ELAPOR1: variants seen among roughly 807,000 people sequenced by gnomAD.
ELAPOR1 encodes endosome/lysosome-associated apoptosis and autophagy regulator 1.
ELAPOR1 carries 77 observed loss-of-function variants against 119.7 expected under a neutral mutation model. The observed-to-expected ratio is 0.64, with a 90% CI of 0.54 to 0.78. The LOEUF (loss-of-function observed/expected upper bound fraction) is 0.78, where lower values mean the gene tolerates loss of function less well. Among genes scored for constraint, ELAPOR1 ranks in the 30% least tolerant of loss-of-function variants. The pLI is 0.00. For missense variants in ELAPOR1, 1,115 were observed against 1,270.4 expected (o/e 0.88, Z 1.86); for synonymous variants, 481 against 487.2 (o/e 0.99, Z 0.17).
intron 1 of ELAPOR1, among the ~76,000 whole-genome samples, chr1:109,133,372 G>T (rs1243304564): frequency 6.6e-6 from 1 of 151,006 alleles, no homozygotes; most frequent in East Asian, 1.9e-4. Context: ...AAAAAAATTA[G>T]AATATGTAGT....
intron 1 of ELAPOR1, among the ~76,000 whole-genome samples, chr1:109,148,764 G>A (rs1650343025): frequency 6.6e-6 from 1 of 152,154 alleles, no homozygotes; most frequent in Non-Finnish European, 1.5e-5. Context: ...AAAAGCTCAG[G>A]TGAAAAACAT....
chr1:109,187,591 T>C, intron 8 of ELAPOR1: 2 of 1,002,258 alleles, frequency 2.0e-6, no homozygotes, highest in Non-Finnish European at 2.4e-6. Context: ...CACCCCTGAC[T>C]CAGCCGGGGT....
chr1:109,155,937 G>A (rs1650849378), intron 1 of ELAPOR1, among the ~76,000 whole-genome samples: 1 of 152,150 alleles, frequency 6.6e-6, no homozygotes, highest in South Asian at 2.1e-4. Context: ...GAGTCCAGGA[G>A]TTCAAGACCA....
chr1:109,171,255 T>C (rs909348158), intron 3 of ELAPOR1, among the ~76,000 whole-genome samples: 1 of 152,154 alleles, frequency 6.6e-6, no homozygotes, highest in Non-Finnish European at 1.5e-5. Flanking sequence ...CAATAAATGT[T>C]ACCCCTCCCT....
At chr1:109,201,583 G>A (rs1263329770) in intron 21 of ELAPOR1, among the ~76,000 whole-genome samples, 1 of 152,188 alleles carries the variant, frequency 6.6e-6, no homozygotes, top group Non-Finnish European at 1.5e-5. Context: ...AATAGGAGTG[G>A]GTGGGGAGGG....
At chr1:109,171,151 C>T (rs1469148172) in intron 3 of ELAPOR1, among the ~76,000 whole-genome samples, 2 of 152,164 alleles carry the variant, frequency 1.3e-5, no homozygotes, top group Non-Finnish European at 2.9e-5. Context: ...CCAGTTTCAT[C>T]ATCTCTTAAA....
At chr1:109,162,771 C>G (rs79203548) in intron 2 of ELAPOR1, among the ~76,000 whole-genome samples, 6,251 of 152,286 alleles carry the variant, frequency 0.041, 437 homozygotes, top group African/African-American at 0.14. Context: ...AAATTAATGA[C>G]TGGATATTGC....
At chr1:109,157,324 C>T (rs1228479638) in intron 1 of ELAPOR1, among the ~76,000 whole-genome samples, 1 of 152,114 alleles carries the variant, frequency 6.6e-6, no homozygotes, top group African/African-American at 2.4e-5. Flanking sequence ...CTCAATTTTC[C>T]CATCTGTAAA....
intron 7 of ELAPOR1, 139 bp downstream of exon 7, chr1:109,173,976 A>C: frequency 3.3e-6 from 3 of 915,976 alleles, no homozygotes; most frequent in Non-Finnish European, 4.9e-6. Flanking sequence ...GGATCCTGGA[A>C]TACCCTTGCC....
At chr1:109,152,688 A>G (rs1351470054) in intron 1 of ELAPOR1, among the ~76,000 whole-genome samples, 2 of 152,162 alleles carry the variant, frequency 1.3e-5, no homozygotes, top group Non-Finnish European at 2.9e-5. Flanking sequence ...TCACACCTGA[A>G]TCCCAGCACT....
At chr1:109,180,274 C>T (rs1157748943) in intron 7 of ELAPOR1, among the ~76,000 whole-genome samples, 1 of 152,176 alleles carries the variant, frequency 6.6e-6, no homozygotes, top group Non-Finnish European at 1.5e-5. Flanking sequence ...GGGCTCAAAT[C>T]CCTGCTCCAC....
At chr1:109,177,390 G>A (rs1418844370) in intron 7 of ELAPOR1, among the ~76,000 whole-genome samples, 1 of 129,154 alleles carries the variant, frequency 7.7e-6, no homozygotes, top group Non-Finnish European at 1.6e-5. Context: ...CGGGGCGGCC[G>A]GGCAGAGACG....
At chr1:109,116,485 C>T (rs914925867) in intron 1 of ELAPOR1, among the ~76,000 whole-genome samples, 15 of 152,292 alleles carry the variant, frequency 9.8e-5, no homozygotes, top group African/African-American at 2.2e-4. Context: ...TTGCCACAGG[C>T]GTCAGCAAGT....
intron 16 of ELAPOR1, 126 bp downstream of exon 16, chr1:109,197,780 CTT>C: frequency 8.8e-7 from 1 of 1,134,192 alleles, no homozygotes; most frequent in East Asian, 2.6e-5. Context: ...GGCCCAACCT[CTT>C]GACCTGTGTT....
chr1:109,169,036 G>A (rs149007587), intron 3 of ELAPOR1, among the ~76,000 whole-genome samples: 237 of 152,256 alleles, frequency 1.6e-3, no homozygotes, highest in Non-Finnish European at 2.6e-3. Context: ...AGCTGATGTC[G>A]TGGAGCATAT....
intron 8 of ELAPOR1, chr1:109,187,087 A>T: frequency 1.0e-6 from 1 of 985,490 alleles, no homozygotes; most frequent in Non-Finnish European, 1.2e-6. Flanking sequence ...TGTCTTCTGA[A>T]CAGTATTTTA....
At chr1:109,153,511 A>G (rs1178531878) in intron 1 of ELAPOR1, among the ~76,000 whole-genome samples, 1 of 152,258 alleles carries the variant, frequency 6.6e-6, no homozygotes, top group East Asian at 1.9e-4. Context: ...TATATACCAT[A>G]TGATCTTCAT....
rs1047987041 is a variant in ELAPOR1, at chr1:109,198,090, C to G, written c.2399+15C>G. 1 of 1,595,166 alleles carries G rather than the reference C, an allele frequency of 6.3e-7. No individual in the cohort carries two copies. The highest frequency in any genetic ancestry group is 8.6e-7 in the Non-Finnish European group (1 of 1,162,774). ...TTCTTTTATAGGTGAAGATGAGAGG[C>G]TAGGCTAATGCAAGTGAAACCTAGG... On this transcript the variant is annotated intron_variant, in intron 17 of 21. Coordinates refer to ENST00000369939, the MANE Select transcript of ELAPOR1 (RefSeq NM_020775.5).
chr1:109,188,504 AG>A (rs1045207328), intron 9 of ELAPOR1, 150 bp downstream of exon 9: 1 of 841,202 alleles, frequency 1.2e-6, no homozygotes, highest in Non-Finnish European at 1.8e-6. Context: ...GACTAAATTC[AG>A]GAGAAGAGAG....
Sources: gnomAD v4.1 joint callset for allele counts (sites outside exome capture counted in the v4.1 genomes callset) on GRCh38, gnomAD v4.1.1 for gene constraint, MANE v1.5 for transcripts, NCBI Gene and HGNC (gene_info 2026-07-23, HGNC 2026-07-21) for gene names.